Variants in TLN1 observed in about 807,000 individuals in gnomAD.
TLN1 encodes talin 1.
A neutral mutation model predicts 292.3 loss-of-function variants in TLN1; 56 were observed. The observed-to-expected ratio is 0.19, with a 90% confidence interval of 0.15 to 0.24. The LOEUF is 0.24. Among genes scored for constraint, TLN1 ranks in the 10% least tolerant of loss-of-function variants. The pLI is 1.00. For missense variants in TLN1, 2,433 were observed against 3,248.2 expected, an observed-to-expected ratio of 0.75 and a Z score of 6.10; for synonymous variants, 1,119 against 1,253.7, an observed-to-expected ratio of 0.89 and a Z score of 2.27.
rs576683799 is a variant in TLN1 at position 35,710,846 on chromosome 9, T to C, written c.4154A>G (p.Asn1385Ser). Residue 1385 changes from asparagine (N) to serine (S), a missense_variant, in exon 32 of 57, where the codon AAT becomes AGT. By Grantham distance (46) the Asn-to-Ser change is conservative. Coordinates refer to ENST00000314888, the MANE Select transcript of TLN1 (RefSeq NM_006289.4). The part of the protein sequence containing the change: ...ELLENPVQPI[N>S]DMSYFGCLDS... ...CAGGCAACCAAAGTAGGACATGTCA[T>C]TGATGGGCTGGACTGGGTTCTCCAG... 119 of 1,614,246 alleles carry C rather than the reference T, an allele frequency of 7.4e-5. No individual in the cohort carries two copies. The highest frequency in any genetic ancestry group is 1.9e-4 in the African/African-American group (14 of 75,070).
chr9:35,723,106 C>CTTTT, intron 7 of TLN1, 185 bp from the exon 8 acceptor site: 1 of 386,254 alleles, frequency 2.6e-6, no homozygotes, highest in Non-Finnish European at 4.7e-6. Flanking sequence ...GTAAACTCTT[C>CTTTT]TTTTTTTTTT....
Position 35,717,121 on chromosome 9 carries a change from G to C in TLN1, c.2458+25C>G, listed in dbSNP as rs373426890. 1,028 of 1,564,326 alleles carry C rather than the reference G, an allele frequency of 6.6e-4. 1 individual carries two copies. The highest frequency in any genetic ancestry group is 8.4e-4 in the Non-Finnish European group (968 of 1,152,070). ...TTAGGGAACCCTGGTAGGGTTTTTT[G>C]TTTTCCTGGGGGTGCGTGTCTTACC... On this transcript the variant is annotated intron_variant, in intron 19 of 56. Coordinates refer to ENST00000314888, the MANE Select transcript of TLN1 (RefSeq NM_006289.4). The surrounding 1 kb of genome is among the most constrained non-coding windows in gnomAD (Gnocchi z 4.7).
At chr9:35,711,531 C>T in intron 29 of TLN1, 64 bp downstream of exon 29, 2 of 1,609,938 alleles carry the variant, frequency 1.2e-6, no homozygotes, top group South Asian at 1.1e-5. Flanking sequence ...GGACTGGTCA[C>T]TCAACTGCCT....
intron 48 of TLN1, among the ~76,000 whole-genome samples, chr9:35,700,685 T>C (rs774820727): frequency 5.3e-5 from 8 of 152,116 alleles, no homozygotes; most frequent in South Asian, 4.1e-4. Context: ...AGGTAAATGG[T>C]AGGACATGAA....
chr9:35,703,350 C>G (rs1472523555), intron 48 of TLN1, among the ~76,000 whole-genome samples: 2 of 152,090 alleles, frequency 1.3e-5, no homozygotes, highest in African/African-American at 4.8e-5. Context: ...AGGTCACCCA[C>G]ACCTGGGAGA....
chr9:35,724,100 A>G lies in TLN1; in HGVS notation c.655-21T>C, dbSNP rs748885363. On this transcript the variant is annotated intron_variant, in intron 6 of 56. Coordinates refer to ENST00000314888, the MANE Select transcript of TLN1 (RefSeq NM_006289.4). The surrounding 1 kb of genome is among the most constrained non-coding windows in gnomAD (Gnocchi z 4.7). ...CGTGCCTGGAGAGCACAGGGCAAGG[A>G]GGCGAATGTTGTGTGTGGGTGCAAG... 1 of 1,612,650 alleles carries G rather than the reference A, an allele frequency of 6.2e-7. No homozygotes were observed. The highest frequency in any genetic ancestry group is 8.5e-7 in the Non-Finnish European group (1 of 1,178,870).
Position 35,724,618 on chromosome 9 carries a change from T to C in TLN1, c.465A>G (p.Glu155=). Residue 155 remains glutamate, a synonymous_variant, in exon 5 of 57, where the codon GAA becomes GAG. Coordinates refer to ENST00000314888, the MANE Select transcript of TLN1 (RefSeq NM_006289.4). This position sits in a 1 kb window ranked among gnomAD's most constrained non-coding sequence, Gnocchi z 4.7. ...LRKDKTLLRD[E]KKMEKLKQKL... Reference sequence around the variant, plus strand: ...TCTGCTTTAGTTTCTCCATCTTCTTTTCATCTCGCAGCAATGTCTTGTCCT... The same window carrying C: ...TCTGCTTTAGTTTCTCCATCTTCTTCTCATCTCGCAGCAATGTCTTGTCCT... 6.2e-7 allele frequency: 1 copy of C among 1,614,224 alleles called. No homozygotes were observed. Among genetic ancestry groups the C allele is most frequent in the East Asian group, 2.2e-5 (1 of 44,884 alleles).
chr9:35,701,936 C>A (rs1302249747), intron 48 of TLN1, among the ~76,000 whole-genome samples: 1 of 152,232 alleles, frequency 6.6e-6, no homozygotes, highest in South Asian at 2.1e-4. Context: ...TGGACATCTT[C>A]AAGTAAAAGT....
chr9:35,722,326 G>A (rs1825890772), intron 8 of TLN1, 103 bp from the exon 9 acceptor site: 2 of 1,014,706 alleles, frequency 2.0e-6, no homozygotes, highest in Admixed American at 1.9e-5. Context: ...GGGGACACTG[G>A]AAAGGTTGAG....
At chr9:35,716,826 ACTCT>A (rs1208468107) in intron 19 of TLN1, among the ~76,000 whole-genome samples, 1 of 152,002 alleles carries the variant, frequency 6.6e-6, no homozygotes, top group South Asian at 2.1e-4. Flanking sequence ...AAGATGAGAC[ACTCT>A]CTGAAAACTT....
At chr9:35,725,950 T>C (rs1825969151) in intron 1 of TLN1, among the ~76,000 whole-genome samples, 1 of 152,188 alleles carries the variant, frequency 6.6e-6, no homozygotes. Context: ...TTTCGTTCTG[T>C]TGCCCAGGCT....
At position 35,717,996 on chromosome 9, in the gene TLN1, A is replaced by G. The variant is rs983261409; in HGVS notation, c.1996-210T>C. On this transcript the variant is annotated intron_variant, in intron 17 of 56. Coordinates refer to ENST00000314888, the MANE Select transcript of TLN1 (RefSeq NM_006289.4). This position sits in a 1 kb window ranked among gnomAD's most constrained non-coding sequence, Gnocchi z 4.7. ...ACAAACCCACACCAAGAGAAAATAC[A>G]GCCTACACCAAATGGAGACACACAT... Among the ~76,000 whole-genome samples the G allele has an allele frequency of 2.0e-5, 3 of 152,150 alleles. No individual in the cohort carries two copies. Among genetic ancestry groups the G allele is most frequent in the Admixed American group, 6.5e-5 (1 of 15,274 alleles).
At chr9:35,720,973 C>G in intron 10 of TLN1, 60 bp from the exon 11 acceptor site, 1 of 1,396,312 alleles carries the variant, frequency 7.2e-7, no homozygotes, top group South Asian at 1.2e-5. Flanking sequence ...ATGGAAATGG[C>G]TAGGATGGGA....
Position 35,706,689 on chromosome 9 carries a change from C to T in TLN1, c.5088+79G>A, listed in dbSNP as rs1028571341. ...AGCCTTTGATGTCCCTAAGAAGCCA[C>T]TCCTTGATCCCCCAGCTTCTTTGAG... On this transcript the variant is annotated intron_variant, in intron 38 of 56. Transcript: ENST00000314888. This position sits in a 1 kb window ranked among gnomAD's most constrained non-coding sequence, Gnocchi z 4.2. 8.2e-6 allele frequency: 13 copies of T among 1,587,984 alleles called. No individual in the cohort carries two copies. Among genetic ancestry groups the T allele is most frequent in the Admixed American group, 6.9e-5 (4 of 58,378 alleles).
At position 35,715,207 on chromosome 9, in the gene TLN1, A is replaced by G. The variant is rs1478187063; in HGVS notation, c.2626-20T>C. ...TGCTCCCTGAGGGAGAGGTGGAAAGACAGTCATCACCCAGCTCTCCTGTGG... is the reference window on the plus strand; with the variant it reads ...TGCTCCCTGAGGGAGAGGTGGAAAGGCAGTCATCACCCAGCTCTCCTGTGG... On this transcript the variant is annotated intron_variant, in intron 20 of 56. Transcript: ENST00000314888. 2 of 1,605,562 alleles carry G rather than the reference A, an allele frequency of 1.2e-6. No individual in the cohort carries two copies. The highest frequency in any genetic ancestry group is 1.7e-5 in the Admixed American group (1 of 59,994).
At position 35,698,987 on chromosome 9, in the gene TLN1, G is replaced by T; in HGVS notation, c.6999+45C>A. On this transcript the variant is annotated intron_variant, in intron 52 of 56. Coordinates refer to ENST00000314888, the MANE Select transcript of TLN1 (RefSeq NM_006289.4). The surrounding 1 kb of genome is among the most constrained non-coding windows in gnomAD (Gnocchi z 5.3). ...ATGTAAAGTCAGAGATGAAGGTGGG[G>T]ACACTGCCATGGTGAGGGTGGAAGA... 1 of 1,609,718 alleles carries T rather than the reference G, an allele frequency of 6.2e-7. No individual in the cohort carries two copies. Among genetic ancestry groups the T allele is most frequent in the Non-Finnish European group, 8.5e-7 (1 of 1,176,258 alleles).
chr9:35,725,388 G>A, intron 2 of TLN1, 67 bp from the exon 3 acceptor site: 1 of 1,561,514 alleles, frequency 6.4e-7, no homozygotes, highest in Non-Finnish European at 8.8e-7. Flanking sequence ...CTTGTACCAT[G>A]TTGCCCCTGA....
chr9:35,707,787 C>T lies in TLN1; in HGVS notation c.4576G>A (p.Val1526Ile), dbSNP rs768597997. 24 of 1,614,122 alleles carry T rather than the reference C, an allele frequency of 1.5e-5. No individual in the cohort carries two copies. The highest frequency in any genetic ancestry group is 1.9e-5 in the Non-Finnish European group (23 of 1,180,004). Residue 1526 changes from valine (V) to isoleucine (I), a missense_variant, in exon 35 of 57, where the codon GTA becomes ATA. Coordinates refer to ENST00000314888, the MANE Select transcript of TLN1 (RefSeq NM_006289.4). The surrounding 1 kb of genome is among the most constrained non-coding windows in gnomAD (Gnocchi z 5.6). ...TTGGCCACCTCCTTGGCTGACTGTACAAACTGGCGCTTGGCAGTAGGATTG... is the reference window on the plus strand; with the variant it reads ...TTGGCCACCTCCTTGGCTGACTGTATAAACTGGCGCTTGGCAGTAGGATTG... ...TTNPTAKRQF[V>I]QSAKEVANST...
In TLN1 at chr9:35,706,667, CT is replaced by C; in HGVS notation, c.5088+100del. 6.3e-7 allele frequency: 1 copy of C among 1,583,372 alleles called. No homozygotes were observed. On this transcript the variant is annotated intron_variant, in intron 38 of 56. Coordinates refer to ENST00000314888, the MANE Select transcript of TLN1 (RefSeq NM_006289.4). The surrounding 1 kb of genome is among the most constrained non-coding windows in gnomAD (Gnocchi z 4.2). ...CTAACCCTCCTTCGCACATCCCAGC[CT>C]TTGATGTCCCTAAGAAGCCACTCCT...
Sources: gnomAD v4.1 joint callset for allele counts (sites outside exome capture counted in the v4.1 genomes callset) on GRCh38, gnomAD v4.1.1 for gene constraint, Gnocchi (gnomAD v3.1) non-coding constraint, MANE v1.5 for transcripts, NCBI Gene and HGNC (gene_info 2026-07-23, HGNC 2026-07-21) for gene names.